The following ABCD2 variants were observed in gnomAD, a reference collection of about 807,000 sequenced individuals.
ABCD2 encodes the protein ATP-binding cassette sub-family D member 2.
A neutral mutation model predicts 70.9 loss-of-function variants in ABCD2; 36 were observed. That is an observed-to-expected ratio of 0.51 (90% CI 0.39 to 0.67). The LOEUF is 0.67. Ranked by LOEUF, ABCD2 falls within the 30% of genes least tolerant of loss-of-function variation. The pLI is 0.00. For synonymous variants in ABCD2, 304 were observed against 306.9 expected (o/e 0.99, Z 0.10); for missense variants, 729 against 890.2 (o/e 0.82, Z 2.30).
rs886332160 is a variant in ABCD2 at position 39,551,946 on chromosome 12, T to G, written c.*1966A>C. 6.6e-6 allele frequency: 1 copy of G among 151,826 alleles called. No individual in the cohort carries two copies. The highest frequency in any genetic ancestry group is 2.1e-4 in the South Asian group (1 of 4,828). 9.4% of individuals were successfully genotyped at this position (151,826 alleles called of 1,614,324 possible). On this transcript the variant is annotated 3_prime_UTR_variant, in exon 10 of 10. Transcript: ENST00000308666. ...CCTTTAAAAGTTAACTTAAAACACT[T>G]GCCTCAGACTTTTGCCCTTGTAGCA... is the stretch of plus-strand genomic sequence containing the variant.
chr12:39,544,200 A>C, the ABCD2 span, among the ~76,000 whole-genome samples: 11 of 152,266 alleles, frequency 7.2e-5, no homozygotes, highest in African/African-American at 2.2e-4. Context: ...AGTCGAAGCT[A>C]TCTTCTTGTG....
downstream of ABCD2, among the ~76,000 whole-genome samples, chr12:39,546,174 C>T (rs1941023602): frequency 6.6e-6 from 1 of 152,050 alleles, no homozygotes; most frequent in African/African-American, 2.4e-5. Context: ...ATAATTTTAC[C>T]TAATAATGTG....
chr12:39,587,733 C>T (rs1399896202), intron 6 of ABCD2, among the ~76,000 whole-genome samples: 1 of 152,106 alleles, frequency 6.6e-6, no homozygotes, highest in East Asian at 1.9e-4. Context: ...CAAAGTGTTA[C>T]TATTCAATAA....
chr12:39,536,068 C>T, the ABCD2 span, among the ~76,000 whole-genome samples: 48 of 151,926 alleles, frequency 3.2e-4, no homozygotes, highest in African/African-American at 9.7e-4. Context: ...CCAGCCTGGG[C>T]GACAGAGTGA....
intron 6 of ABCD2, among the ~76,000 whole-genome samples, chr12:39,592,299 A>G (rs542408222): frequency 1.7e-4 from 26 of 152,354 alleles, no homozygotes; most frequent in Non-Finnish European, 2.9e-4. Context: ...TCCCCATCAT[A>G]AAGAGAATTT....
At chr12:39,540,907 C>A in the ABCD2 span, among the ~76,000 whole-genome samples, 1 of 152,350 alleles carries the variant, frequency 6.6e-6, no homozygotes, top group East Asian at 1.9e-4. Flanking sequence ...TGCAACCAAC[C>A]GCCTTGGGCA....
chr12:39,606,173 C>G (rs1209131226), intron 3 of ABCD2, among the ~76,000 whole-genome samples: 1 of 152,058 alleles, frequency 6.6e-6, no homozygotes, highest in African/African-American at 2.4e-5. Context: ...GGCAATGAGT[C>G]AGTGGATCAG....
intron 6 of ABCD2, among the ~76,000 whole-genome samples, chr12:39,594,879 T>C (rs1443245896): frequency 6.6e-6 from 1 of 151,664 alleles, no homozygotes; most frequent in African/African-American, 2.4e-5. Flanking sequence ...GAAGCTGAGG[T>C]GCGATAATCA....
chr12:39,598,619 C>G (rs1379053195), intron 6 of ABCD2, among the ~76,000 whole-genome samples: 1 of 152,050 alleles, frequency 6.6e-6, no homozygotes, highest in Non-Finnish European at 1.5e-5. Flanking sequence ...AGGCTGGTCT[C>G]AAACTCCTGA....
chr12:39,554,118 G>T lies in ABCD2; in HGVS notation c.2017C>A (p.His673Asn). The stretch of plus-strand genomic sequence containing the variant: ...CCTTCACCATCAAACTGTAATAAAT[G>T]TGTGTGGTATTTCCTGCATAATTAA... ...HRPSLWKYHT[H>N]LLQFDGEGGW... The change falls in exon 10 of 10, where the codon CAT becomes AAT. Residue 673 changes from histidine to asparagine, a missense_variant. By Grantham distance (68) the His-to-Asn change is moderately conservative. This residue lies in a region of ABCD2 where 289 missense variants were observed against 328.8 expected (regional missense o/e 0.88). Transcript: ENST00000308666. The T allele has an allele frequency of 1.2e-6, 2 of 1,611,804 alleles. No individual in the cohort carries two copies.
intron 9 of ABCD2, among the ~76,000 whole-genome samples, chr12:39,561,331 G>A (rs1941255097): frequency 6.7e-6 from 1 of 150,134 alleles, no homozygotes; most frequent in African/African-American, 2.5e-5. Flanking sequence ...AGCAGAGGTT[G>A]CAGTGAGCTG....
Position 39,616,970 on chromosome 12 carries a change from A to G in ABCD2, c.1120+18T>C, listed in dbSNP as rs373806260. On this transcript the variant is annotated intron_variant, in intron 2 of 9. Transcript: ENST00000308666. Reference sequence around the variant, plus strand: ...TAATGTTAAAAATATATTTGAGATTAAGCATAAATGTCATTACCACCATCT... The same window carrying G: ...TAATGTTAAAAATATATTTGAGATTGAGCATAAATGTCATTACCACCATCT... The G allele has an allele frequency of 1.3e-5, 20 of 1,555,324 alleles. No homozygotes were observed. The African/African-American group carries it at 2.8e-4, about 22-fold the overall frequency.
At chr12:39,595,626 T>C (rs1158149587) in intron 6 of ABCD2, among the ~76,000 whole-genome samples, 2 of 152,224 alleles carry the variant, frequency 1.3e-5, no homozygotes, top group African/African-American at 4.8e-5. Flanking sequence ...ATATTTAATC[T>C]AGGAGATTAA....
chr12:39,597,877 T>A (rs1941840585), intron 6 of ABCD2, among the ~76,000 whole-genome samples: 1 of 152,210 alleles, frequency 6.6e-6, no homozygotes, highest in South Asian at 2.1e-4. Flanking sequence ...TGTGTGTGTA[T>A]TCTTGAACTG....
At chr12:39,545,011 T>C in the ABCD2 span, among the ~76,000 whole-genome samples, 1 of 152,222 alleles carries the variant, frequency 6.6e-6, no homozygotes, top group African/African-American at 2.4e-5. Context: ...ATTTAGAATT[T>C]AGCTTAAACT....
chr12:39,617,264 A>T, intron 1 of ABCD2, 96 bp from the exon 2 acceptor site: 1 of 730,752 alleles, frequency 1.4e-6, no homozygotes, highest in Non-Finnish European at 2.0e-6. Flanking sequence ...CATCTTAACC[A>T]ATAAATGCAG....
Position 39,577,555 on chromosome 12 carries a change from GA to G in ABCD2, c.1877+1979del, listed in dbSNP as rs201298318. Among the ~76,000 whole-genome samples, 3 of 152,128 alleles carry G rather than the reference GA, an allele frequency of 2.0e-5. No homozygotes were observed. The East Asian group carries it at 5.8e-4, about 29-fold the overall frequency. ...TCTTTAGATTAAAAAGGAATTAAGA[GA>G]TGTAACAATAAAATGCAATGTGTGA... is the stretch of plus-strand genomic sequence containing the variant. On this transcript the variant is annotated intron_variant, in intron 8 of 9. Coordinates refer to ENST00000308666, the MANE Select transcript of ABCD2 (RefSeq NM_005164.4).
intron 6 of ABCD2, among the ~76,000 whole-genome samples, chr12:39,589,661 A>G (rs1218316409): frequency 6.6e-6 from 1 of 152,102 alleles, no homozygotes; most frequent in Non-Finnish European, 1.5e-5. Flanking sequence ...TGCTGGGATT[A>G]CAGGTGTGAG....
intron 9 of ABCD2, among the ~76,000 whole-genome samples, chr12:39,565,199 A>G (rs1941325905): frequency 6.6e-6 from 1 of 152,148 alleles, no homozygotes; most frequent in South Asian, 2.1e-4. Context: ...GATGGCATTG[A>G]ATCTATAAAT....
Sources: allele counts gnomAD v4.1 joint callset (sites outside exome capture counted in the v4.1 genomes callset), GRCh38; gene constraint gnomAD v4.1.1; regional missense constraint gnomAD v4.1.1; transcripts MANE v1.5; gene names NCBI Gene and HGNC (gene_info 2026-07-23, HGNC 2026-07-21).